ITGBL1: variants seen among roughly 807,000 people sequenced by gnomAD.
The protein encoded by ITGBL1 is integrin beta-like protein 1.
In ITGBL1, 51 loss-of-function variants were observed where a neutral mutation model predicts 68.5. The ratio of observed to expected loss-of-function variants is 0.74; its 90% CI spans 0.59 to 0.94. ITGBL1 has a LOEUF of 0.94. ITGBL1 is among the 40% of genes least tolerant of loss of function. ITGBL1 has a pLI of 0.00. For missense variants in ITGBL1, 649 were observed against 647.4 expected (o/e 1.00, Z -0.03); for synonymous variants, 209 against 227.3 (o/e 0.92, Z 0.72).
At chr13:101,673,633 T>G (rs547799410) in intron 7 of ITGBL1, among the ~76,000 whole-genome samples, 2 of 152,340 alleles carry the variant, frequency 1.3e-5, no homozygotes, top group South Asian at 2.1e-4. Flanking sequence ...GGCTCAATAT[T>G]ATTACATAAA....
intron 2 of ITGBL1, among the ~76,000 whole-genome samples, chr13:101,456,986 A>G (rs145618383): frequency 4.6e-5 from 7 of 152,202 alleles, no homozygotes; most frequent in African/African-American, 1.4e-4. Context: ...TAATAGCTGT[A>G]TGAACTTGGG....
intron 2 of ITGBL1, among the ~76,000 whole-genome samples, chr13:101,466,091 T>G (rs2048378485): frequency 6.6e-6 from 1 of 152,196 alleles, no homozygotes; most frequent in African/African-American, 2.4e-5. Context: ...ATGGCCAACT[T>G]TGACTCATCC....
intron 2 of ITGBL1, among the ~76,000 whole-genome samples, chr13:101,483,706 C>A (rs2048659462): frequency 6.6e-6 from 1 of 152,012 alleles, no homozygotes; most frequent in Non-Finnish European, 1.5e-5. Context: ...TTCTAAAATT[C>A]AATTTTTTTC....
chr13:101,493,346 G>GAA (rs879435983), intron 2 of ITGBL1, among the ~76,000 whole-genome samples: 1 of 142,102 alleles, frequency 7.0e-6, no homozygotes, highest in African/African-American at 2.6e-5. Context: ...GTCACTTATT[G>GAA]AAAAAAAAAA....
At chr13:101,470,996 CTG>C in intron 2 of ITGBL1, among the ~76,000 whole-genome samples, 1 of 152,152 alleles carries the variant, frequency 6.6e-6, no homozygotes, top group East Asian at 1.9e-4. Flanking sequence ...GAAATAAAAA[CTG>C]TGCAATCAGT....
chr13:101,666,510 G>GTT (rs66930116), intron 7 of ITGBL1, among the ~76,000 whole-genome samples: 3,438 of 149,002 alleles, frequency 0.023, 51 homozygotes, highest in Non-Finnish European at 0.036. Flanking sequence ...TGTGAGGCAT[G>GTT]TTTTTTTTTT....
At chr13:101,548,083 C>CACT (rs1555358114) in intron 2 of ITGBL1, among the ~76,000 whole-genome samples, 31,159 of 151,496 alleles carry the variant, frequency 0.21, 3,754 homozygotes, top group East Asian at 0.46. Context: ...CACAGATAAA[C>CACT]ATAAAACTTT....
At chr13:101,704,570 A>G (rs1271918396) in intron 8 of ITGBL1, among the ~76,000 whole-genome samples, 1 of 151,852 alleles carries the variant, frequency 6.6e-6, no homozygotes, top group Non-Finnish European at 1.5e-5. Flanking sequence ...TGGCATGCCA[A>G]TAGAGAAGAG....
intron 2 of ITGBL1, among the ~76,000 whole-genome samples, chr13:101,500,444 A>C (rs2048923231): frequency 6.6e-6 from 1 of 152,224 alleles, no homozygotes; most frequent in Non-Finnish European, 1.5e-5. Flanking sequence ...ATCTGTGTGA[A>C]TCCTTTCTTC....
chr13:101,463,931 C>A (rs1289909425), intron 2 of ITGBL1, among the ~76,000 whole-genome samples: 3 of 132,722 alleles, frequency 2.3e-5, no homozygotes, highest in Non-Finnish European at 4.6e-5. Context: ...TTTTCCGAGA[C>A]AGATTCTCGC....
chr13:101,594,874 G>A (rs1317570212), intron 6 of ITGBL1, among the ~76,000 whole-genome samples: 1 of 152,152 alleles, frequency 6.6e-6, no homozygotes, highest in Non-Finnish European at 1.5e-5. Flanking sequence ...AGGAGTTGTA[G>A]ACAAGTTTGA....
At chr13:101,657,347 A>G (rs771083984) in intron 7 of ITGBL1, among the ~76,000 whole-genome samples, 14 of 152,148 alleles carry the variant, frequency 9.2e-5, no homozygotes, top group Non-Finnish European at 1.9e-4. Flanking sequence ...TCTGAAACAT[A>G]TTCCCTCTTT....
At chr13:101,718,529 A>G (rs2034807444), downstream of ITGBL1, 1 of 151,574 alleles carries the variant, frequency 6.6e-6, no homozygotes, top group East Asian at 2.0e-4. Context: ...CAGCAAGTTT[A>G]GAGAAGGTGT....
intron 3 of ITGBL1, among the ~76,000 whole-genome samples, chr13:101,572,004 A>T (rs1425647635): frequency 1.3e-5 from 2 of 152,154 alleles, no homozygotes; most frequent in African/African-American, 2.4e-5. Context: ...GGAGGTGTGT[A>T]TTCAAGGCAA....
intron 2 of ITGBL1, among the ~76,000 whole-genome samples, chr13:101,541,085 C>A (rs2049689448): frequency 7.1e-6 from 1 of 141,600 alleles, no homozygotes; most frequent in Non-Finnish European, 1.5e-5. Context: ...GAACTTCCAA[C>A]ACTATGTTGT....
At chr13:101,671,970 G>A (rs2033389807) in intron 7 of ITGBL1, among the ~76,000 whole-genome samples, 1 of 152,142 alleles carries the variant, frequency 6.6e-6, no homozygotes, top group Non-Finnish European at 1.5e-5. Context: ...AGGTACTACA[G>A]ACAAAACCTG....
intron 7 of ITGBL1, among the ~76,000 whole-genome samples, chr13:101,632,861 C>A: frequency 6.6e-6 from 1 of 152,148 alleles, no homozygotes; most frequent in Non-Finnish European, 1.5e-5. Flanking sequence ...CTAAGTCTAG[C>A]CTTCAGTTTA....
intron 7 of ITGBL1, among the ~76,000 whole-genome samples, chr13:101,661,063 T>G (rs1468035488): frequency 6.6e-6 from 1 of 152,076 alleles, no homozygotes; most frequent in Non-Finnish European, 1.5e-5. Context: ...TAGTAGCAGA[T>G]GCATAAATGA....
chr13:101,541,581 G>A (rs1354401341), intron 2 of ITGBL1, among the ~76,000 whole-genome samples: 1 of 152,096 alleles, frequency 6.6e-6, no homozygotes, highest in Non-Finnish European at 1.5e-5. Context: ...AATAAGTTAG[G>A]GAGGATTCCC....
Sources: allele counts gnomAD v4.1 joint callset (sites outside exome capture counted in the v4.1 genomes callset), GRCh38; gene constraint gnomAD v4.1.1; transcripts MANE v1.5; gene names NCBI Gene and HGNC (gene_info 2026-07-23, HGNC 2026-07-21).